Variants in DOCK3 observed in about 807,000 individuals in gnomAD.
DOCK3 encodes dedicator of cytokinesis protein 3.
In DOCK3, 60 loss-of-function variants were observed where a neutral mutation model predicts 265.6. The observed-to-expected ratio is 0.23, with a 90% confidence interval of 0.18 to 0.28. The LOEUF is 0.28. DOCK3 is among the 10% of genes least tolerant of loss of function. DOCK3 has a pLI of 1.00. For missense variants in DOCK3, 1,981 were observed against 2,594.3 expected (o/e 0.76, Z 5.14); for synonymous variants, 881 against 938.0 (o/e 0.94, Z 1.11).
intron 14 of DOCK3, among the ~76,000 whole-genome samples, chr3:51,220,803 A>G (rs2090062546): frequency 6.6e-6 from 1 of 151,264 alleles, no homozygotes; most frequent in South Asian, 2.1e-4. Flanking sequence ...TGAATATAAT[A>G]AAGAACTCAT....
intron 4 of DOCK3, among the ~76,000 whole-genome samples, chr3:50,930,957 A>G (rs903846342): frequency 2.6e-5 from 4 of 152,068 alleles, no homozygotes; most frequent in African/African-American, 7.2e-5. Flanking sequence ...GAGGGCAGTG[A>G]CTTGGGGACA....
In DOCK3 at chr3:51,123,562, G is replaced by A. The variant is rs1325567283; in HGVS notation, c.747-22987G>A. ...TAACAGAAAGACACAGACTTTGGAG[G>A]AATCTACACACAAGCTTCTTTGTGC... On this transcript the variant is annotated intron_variant, in intron 9 of 52. Transcript: ENST00000266037. 2.7e-5 allele frequency among the ~76,000 whole-genome samples: 4 copies of A among 150,112 alleles called. No homozygotes were observed. The South Asian group carries it at 6.4e-4, about 24-fold the overall frequency.
chr3:50,803,707 C>T (rs1043866252), intron 2 of DOCK3, among the ~76,000 whole-genome samples: 1 of 151,452 alleles, frequency 6.6e-6, no homozygotes, highest in Non-Finnish European at 1.5e-5. Context: ...GGGCTGCCCC[C>T]CACCTCCCTC....
intron 9 of DOCK3, among the ~76,000 whole-genome samples, chr3:51,121,210 G>A (rs1211977313): frequency 6.6e-6 from 1 of 152,126 alleles, no homozygotes; most frequent in Non-Finnish European, 1.5e-5. Context: ...ATCCCTCACA[G>A]CAGGGTCCCT....
At chr3:50,896,401 G>T (rs536898257) in intron 4 of DOCK3, among the ~76,000 whole-genome samples, 1 of 151,994 alleles carries the variant, frequency 6.6e-6, no homozygotes, top group African/African-American at 2.4e-5. Context: ...TTGTCAGATG[G>T]AGAGATTGCA....
At chr3:50,940,912 T>C (rs1238780954) in intron 5 of DOCK3, among the ~76,000 whole-genome samples, 1 of 152,174 alleles carries the variant, frequency 6.6e-6, no homozygotes, top group Non-Finnish European at 1.5e-5. Flanking sequence ...AGTATCATCC[T>C]TTTTATAAAA....
chr3:51,311,920 A>G (rs2083085330), intron 28 of DOCK3, 84 bp from the exon 29 acceptor site: 1 of 971,000 alleles, frequency 1.0e-6, no homozygotes, highest in South Asian at 2.0e-5. Flanking sequence ...AAGTTTGCAC[A>G]CAGGCTATAG....
intron 19 of DOCK3, among the ~76,000 whole-genome samples, chr3:51,233,837 A>G (rs1230944467): frequency 1.3e-5 from 2 of 152,198 alleles, no homozygotes; most frequent in East Asian, 1.9e-4. Context: ...CTTTTTTAAC[A>G]TATACCACAT....
At chr3:50,707,420 G>C (rs2036480777) in intron 1 of DOCK3, among the ~76,000 whole-genome samples, 1 of 150,336 alleles carries the variant, frequency 6.7e-6, no homozygotes, top group Admixed American at 6.6e-5. Context: ...CTGGGCAACA[G>C]AGTGAGACTC....
intron 2 of DOCK3, among the ~76,000 whole-genome samples, chr3:50,804,620 T>C (rs1172181357): frequency 6.6e-6 from 1 of 152,066 alleles, no homozygotes; most frequent in South Asian, 2.1e-4. Flanking sequence ...GCGCCTGCAA[T>C]CCCAGGCACT....
At chr3:51,147,818 A>T (rs562737031) in intron 10 of DOCK3, among the ~76,000 whole-genome samples, 12 of 152,210 alleles carry the variant, frequency 7.9e-5, no homozygotes, top group Admixed American at 1.3e-4. Flanking sequence ...CATGTGTCTT[A>T]ATAGTAGCAT....
chr3:50,929,272 C>T (rs1206297077), intron 4 of DOCK3, among the ~76,000 whole-genome samples: 1 of 152,154 alleles, frequency 6.6e-6, no homozygotes, highest in African/African-American at 2.4e-5. Flanking sequence ...TGTCCCCTAA[C>T]CTCCAGTGTG....
In DOCK3 at chr3:51,062,737, G is replaced by A. The variant is rs191107165; in HGVS notation, c.316-1711G>A. Among the ~76,000 whole-genome samples, 677 of 152,290 alleles carry A rather than the reference G, an allele frequency of 4.4e-3. 17 individuals are homozygous for A. The highest frequency in any genetic ancestry group is 1.3e-3 in the Non-Finnish European group (88 of 68,030). On this transcript the variant is annotated intron_variant, in intron 5 of 52. Transcript: ENST00000266037. ...ATGCTTGTGGATGTATACATGCAAT[G>A]GACTATCATATAGGCTTTGATGGGA...
chr3:51,146,845 A>G (rs2085324146), intron 10 of DOCK3, among the ~76,000 whole-genome samples: 1 of 152,252 alleles, frequency 6.6e-6, no homozygotes, highest in South Asian at 2.1e-4. Flanking sequence ...AATGAAATAT[A>G]ATCAAGTACC....
At chr3:51,342,032 GA>G (rs1261167454) in intron 38 of DOCK3, among the ~76,000 whole-genome samples, 4 of 152,188 alleles carry the variant, frequency 2.6e-5, no homozygotes, top group African/African-American at 9.7e-5. Flanking sequence ...CCTTGTGCTG[GA>G]AAAACTTGTT....
In DOCK3 at chr3:51,379,487, G is replaced by A. The variant is rs553911463; in HGVS notation, c.5501-638G>A. 17 of 985,448 alleles carry A rather than the reference G, an allele frequency of 1.7e-5. No homozygotes were observed. In the South Asian group the frequency reaches 2.3e-4, roughly 14 times the overall value. The allele number at this position is 985,448 out of a possible 1,614,324, so 61.0% of individuals were successfully genotyped here. ...CCCCAGCAGCTGGAGTCTGGATAGC[G>A]GAGCCCAAGAGGCCCAGCCCTTCCT... On this transcript the variant is annotated intron_variant, in intron 51 of 52. Transcript: ENST00000266037.
chr3:51,106,309 C>A (rs896978527), intron 9 of DOCK3, among the ~76,000 whole-genome samples: 1 of 152,212 alleles, frequency 6.6e-6, no homozygotes, highest in Non-Finnish European at 1.5e-5. Flanking sequence ...ATAGCTCCTG[C>A]ACTGGCAGGC....
At chr3:51,115,624 C>T (rs2083701898) in intron 9 of DOCK3, among the ~76,000 whole-genome samples, 1 of 152,094 alleles carries the variant, frequency 6.6e-6, no homozygotes, top group Non-Finnish European at 1.5e-5. Flanking sequence ...GTTTCTTTTG[C>T]TGTGCAGAAG....
intron 27 of DOCK3, among the ~76,000 whole-genome samples, chr3:51,282,672 A>G (rs2081193090): frequency 1.3e-5 from 1 of 74,762 alleles, no homozygotes; most frequent in Non-Finnish European, 3.2e-5. Context: ...AAAAAAAAGA[A>G]AAGAAAAGAA....
Sources: gnomAD v4.1 joint callset for allele counts (sites outside exome capture counted in the v4.1 genomes callset) on GRCh38, gnomAD v4.1.1 for gene constraint, MANE v1.5 for transcripts, NCBI Gene and HGNC (gene_info 2026-07-23, HGNC 2026-07-21) for gene names.